The following SPOCK3 variants were observed in gnomAD, a reference collection of about 807,000 sequenced individuals.
The protein encoded by SPOCK3 is SPARC (osteonectin), cwcv and kazal like domains proteoglycan 3.
A neutral mutation model predicts 56.6 loss-of-function variants in SPOCK3; 30 were observed. That is an observed-to-expected ratio of 0.53 (90% CI 0.40 to 0.72). The LOEUF (loss-of-function observed/expected upper bound fraction) is 0.72, where lower values mean the gene tolerates loss of function less well. Ranked by LOEUF, SPOCK3 falls within the 30% of genes least tolerant of loss-of-function variation. The pLI, the probability that SPOCK3 is intolerant of heterozygous loss-of-function variation, is 0.00. For missense variants in SPOCK3, 527 were observed against 530.0 expected (o/e 0.99, Z 0.06); for synonymous variants, 196 against 183.3 (o/e 1.07, Z -0.56).
At chr4:166,937,924 C>T (rs1405809218) in intron 4 of SPOCK3, among the ~76,000 whole-genome samples, 5 of 128,398 alleles carry the variant, frequency 3.9e-5, no homozygotes, top group East Asian at 2.5e-4. Flanking sequence ...CCACCACGCC[C>T]GGCTAATCTC....
intron 2 of SPOCK3, among the ~76,000 whole-genome samples, chr4:167,209,783 C>CA (rs983143150): frequency 3.3e-5 from 5 of 151,882 alleles, no homozygotes; most frequent in East Asian, 1.9e-4. Flanking sequence ...TTACAATATA[C>CA]AAAAAAAATT....
chr4:167,149,296 A>C (rs906872947), intron 2 of SPOCK3, among the ~76,000 whole-genome samples: 5 of 152,136 alleles, frequency 3.3e-5, no homozygotes, highest in Admixed American at 1.3e-4. Flanking sequence ...CTTTGTTCTC[A>C]TGCTGATTTA....
Position 167,043,985 on chromosome 4 carries a change from T to A in SPOCK3, c.235+18507A>T, listed in dbSNP as rs372577015. ...ATGAGTTAGGAAGTATTTCCTTTGA[T>A]TCTTCTATCTTCTAAAAAATTGCGG... On this transcript the variant is annotated intron_variant, in intron 3 of 10. Transcript: ENST00000357545. Among the ~76,000 whole-genome samples, 22 of 152,110 alleles carry A rather than the reference T, an allele frequency of 1.4e-4. No homozygotes were observed. In the East Asian group the frequency reaches 1.7e-3, roughly 12 times the overall value.
chr4:166,857,868 T>A (rs1730852234), intron 6 of SPOCK3, among the ~76,000 whole-genome samples: 1 of 152,232 alleles, frequency 6.6e-6, no homozygotes. Context: ...GTGATCTATA[T>A]TATCCTATTT....
intron 6 of SPOCK3, among the ~76,000 whole-genome samples, chr4:166,887,861 A>G (rs933434127): frequency 8.1e-3 from 130 of 16,134 alleles, no homozygotes; most frequent in Non-Finnish European, 0.016. Flanking sequence ...TAACTTATGG[A>G]AAAAAAAAAA....
rs753767674 is a variant in SPOCK3 at position 167,214,522 on chromosome 4, T to C, written c.189+19463A>G. On this transcript the variant is annotated intron_variant, in intron 2 of 10. Transcript: ENST00000357545. ...ACATTACTTAATATACATTAGATTATTTGTCTTCTCAATAACAATCATTTG... is the reference window on the plus strand; with the variant it reads ...ACATTACTTAATATACATTAGATTACTTGTCTTCTCAATAACAATCATTTG... Among the ~76,000 whole-genome samples the C allele has an allele frequency of 4.6e-5, 7 of 152,150 alleles. No homozygotes were observed. In the South Asian group the frequency reaches 1.4e-3, roughly 31 times the overall value.
At chr4:166,938,330 G>A (rs1019753146) in intron 4 of SPOCK3, among the ~76,000 whole-genome samples, 1 of 152,166 alleles carries the variant, frequency 6.6e-6, no homozygotes, top group Non-Finnish European at 1.5e-5. Flanking sequence ...TTATGTGCAA[G>A]AATGAGTTTC....
intron 6 of SPOCK3, among the ~76,000 whole-genome samples, chr4:166,851,682 C>T (rs999284809): frequency 1.3e-5 from 2 of 152,070 alleles, no homozygotes; most frequent in Non-Finnish European, 2.9e-5. Context: ...AATAGGAACA[C>T]TTTTACACTG....
intron 4 of SPOCK3, among the ~76,000 whole-genome samples, chr4:166,979,965 A>C (rs1746392276): frequency 6.6e-6 from 1 of 152,112 alleles, no homozygotes; most frequent in Non-Finnish European, 1.5e-5. Flanking sequence ...AACATGTCAC[A>C]TTCTTTTCTT....
At chr4:166,939,522 A>G (rs2150012553) in intron 4 of SPOCK3, among the ~76,000 whole-genome samples, 1 of 152,210 alleles carries the variant, frequency 6.6e-6, no homozygotes, top group South Asian at 2.1e-4. Flanking sequence ...CTACCAAAGT[A>G]CAAGGAAGGA....
chr4:167,213,682 C>T (rs1735089279), intron 2 of SPOCK3, among the ~76,000 whole-genome samples: 2 of 151,254 alleles, frequency 1.3e-5, no homozygotes, highest in African/African-American at 4.9e-5. Context: ...ATTTCAACAC[C>T]AATTATAAGT....
In SPOCK3 at chr4:167,021,822, C is replaced by G. The variant is rs1170117270; in HGVS notation, c.236-21359G>C. 2.6e-5 allele frequency among the ~76,000 whole-genome samples: 4 copies of G among 152,042 alleles called. No individual in the cohort carries two copies. In the East Asian group the frequency reaches 7.7e-4, roughly 29 times the overall value. On this transcript the variant is annotated intron_variant, in intron 3 of 10. Coordinates refer to ENST00000357545, the MANE Select transcript of SPOCK3 (RefSeq NM_001040159.2). ...CCCACGGAGTTCTCAAACAACCAGA[C>G]ACACAGACATGTCCAGATTGTTTTT...
intron 4 of SPOCK3, among the ~76,000 whole-genome samples, chr4:166,946,805 G>A (rs972924385): frequency 6.6e-6 from 1 of 152,168 alleles, no homozygotes; most frequent in African/African-American, 2.4e-5. Context: ...ATGGTGTCTA[G>A]TTCCGTTTTC....
At position 166,873,769 on chromosome 4, in the gene SPOCK3, C is replaced by T. The variant is rs114107460; in HGVS notation, c.589+15361G>A. Among the ~76,000 whole-genome samples, 1,004 of 152,166 alleles carry T rather than the reference C, an allele frequency of 6.6e-3. 5 individuals carry two copies. The highest frequency in any genetic ancestry group is 0.011 in the Non-Finnish European group (753 of 68,004). On this transcript the variant is annotated intron_variant, in intron 6 of 10. Coordinates refer to ENST00000357545, the MANE Select transcript of SPOCK3 (RefSeq NM_001040159.2). ...TTAATTTGAACAATTATTTTCTCTACACTAGGCACTGTAGATGCTAAGAAC... is the reference window on the plus strand; with the variant it reads ...TTAATTTGAACAATTATTTTCTCTATACTAGGCACTGTAGATGCTAAGAAC...
chr4:166,927,277 A>C (rs993025574), intron 4 of SPOCK3, among the ~76,000 whole-genome samples: 1 of 152,132 alleles, frequency 6.6e-6, no homozygotes, highest in Non-Finnish European at 1.5e-5. Context: ...GGATGCTGTG[A>C]GGGATAATTG....
At chr4:167,091,162 T>A (rs1227588225) in intron 2 of SPOCK3, among the ~76,000 whole-genome samples, 1 of 152,204 alleles carries the variant, frequency 6.6e-6, no homozygotes, top group African/African-American at 2.4e-5. Context: ...TAGCCCTGGA[T>A]GCCTCTCTGA....
chr4:166,912,047 T>C (rs1737337697), intron 5 of SPOCK3, among the ~76,000 whole-genome samples: 1 of 152,058 alleles, frequency 6.6e-6, no homozygotes, highest in Non-Finnish European at 1.5e-5. Flanking sequence ...TTTGTAAAAA[T>C]CCCAAAATAT....
intron 4 of SPOCK3, among the ~76,000 whole-genome samples, chr4:166,971,254 T>C (rs1745344617): frequency 6.6e-6 from 1 of 151,990 alleles, no homozygotes; most frequent in Non-Finnish European, 1.5e-5. Context: ...AATTCTGCTA[T>C]TTTGTGTTTT....
Position 166,782,544 on chromosome 4 carries a change from A to G in SPOCK3, c.709+9626T>C, listed in dbSNP as rs903782035. Among the ~76,000 whole-genome samples, 7 of 152,292 alleles carry G rather than the reference A, an allele frequency of 4.6e-5. No homozygotes were observed. In the East Asian group the frequency reaches 1.4e-3, roughly 29 times the overall value. On this transcript the variant is annotated intron_variant, in intron 7 of 10. Coordinates refer to ENST00000357545, the MANE Select transcript of SPOCK3 (RefSeq NM_001040159.2). ...TTCCTTTTATGTGCAGATGGGACAT[A>G]TTCTGGGCCATAAAACAGACCTCAA... is the stretch of plus-strand genomic sequence containing the variant.
Sources: allele counts gnomAD v4.1 joint callset (sites outside exome capture counted in the v4.1 genomes callset), GRCh38; gene constraint gnomAD v4.1.1; transcripts MANE v1.5; gene names NCBI Gene and HGNC (gene_info 2026-07-23, HGNC 2026-07-21).